The following BCL2L14 variants were observed in gnomAD, a reference collection of about 807,000 sequenced individuals.
The protein encoded by BCL2L14 is apoptosis facilitator Bcl-2-like protein 14.
In BCL2L14, 27 loss-of-function variants were observed where a neutral mutation model predicts 35.3. The observed-to-expected ratio is 0.76, with a 90% CI of 0.56 to 1.05. The LOEUF is 1.05. BCL2L14 is among the 50% of genes least tolerant of loss of function. The pLI, the probability that BCL2L14 is intolerant of heterozygous loss-of-function variation, is 0.00. For missense variants in BCL2L14, 377 were observed against 382.6 expected, an observed-to-expected ratio of 0.99 and a Z score of 0.12; for synonymous variants, 139 against 145.9, an observed-to-expected ratio of 0.95 and a Z score of 0.34.
rs781069739 is a variant in BCL2L14, at chr12:12,079,513, G to C, written c.208G>C (p.Val70Leu). ...NCSANESWTE[V>L]SWPCRNSQSS... Reference sequence around the variant, plus strand: ...TTCAGCAAATGAGTCATGGACAGAGGTGTCATGGCCTTGCAGAAATTCCCA... The same window carrying C: ...TTCAGCAAATGAGTCATGGACAGAGCTGTCATGGCCTTGCAGAAATTCCCA... Residue 70 changes from valine (V) to leucine (L), a missense_variant, in exon 2 of 6, where the codon GTG becomes CTG. Val to Leu is a conservative substitution (Grantham distance 32, BLOSUM62 1). Coordinates refer to ENST00000308721, the MANE Select transcript of BCL2L14 (RefSeq NM_138723.2). 6.2e-7 allele frequency: 1 copy of C among 1,614,222 alleles called. No homozygotes were observed. The highest frequency in any genetic ancestry group is 8.5e-7 in the Non-Finnish European group (1 of 1,180,034).
chr12:12,088,092 G>A (rs565549943), intron 3 of BCL2L14, among the ~76,000 whole-genome samples: 33 of 152,268 alleles, frequency 2.2e-4, no homozygotes, highest in African/African-American at 7.7e-4. Flanking sequence ...AATACGTGAG[G>A]TTCGTTGTCT....
intron 2 of BCL2L14, among the ~76,000 whole-genome samples, chr12:12,060,756 G>A (rs1161810499): frequency 1.9e-5 from 2 of 103,754 alleles, no homozygotes; most frequent in African/African-American, 3.9e-5. Flanking sequence ...GACCCCACTG[G>A]AAATCAGACT....
chr12:12,098,980 G>A lies in BCL2L14; in HGVS notation c.976G>A (p.Val326Ile), dbSNP rs1949374398. 10 of 1,601,716 alleles carry A rather than the reference G, an allele frequency of 6.2e-6. No individual in the cohort carries two copies. Among genetic ancestry groups the A allele is most frequent in the Middle Eastern group, 3.3e-4 (2 of 6,068 alleles). ...EKILGISHEEVD is the reference protein window; with the variant it reads ...EKILGISHEEID ...AATACTTGGGATATCACATGAAGAA[G>A]TAGACTGAAATATCAGATTTGTCAT... The change falls in exon 6 of 6, where the codon GTA becomes ATA. Residue 326 changes from valine to isoleucine, a missense_variant. Val to Ile is a conservative substitution (Grantham distance 29). Coordinates refer to ENST00000308721, the MANE Select transcript of BCL2L14 (RefSeq NM_138723.2).
chr12:12,073,924 C>A (rs1948724977), intron 1 of BCL2L14, among the ~76,000 whole-genome samples: 1 of 152,132 alleles, frequency 6.6e-6, no homozygotes, highest in South Asian at 2.1e-4. Context: ...TGCTTGGTGG[C>A]CCGCTTTGCC....
At chr12:12,062,889 G>A (rs1414975069) in intron 2 of BCL2L14, among the ~76,000 whole-genome samples, 1 of 152,182 alleles carries the variant, frequency 6.6e-6, no homozygotes, top group East Asian at 1.9e-4. Flanking sequence ...TTCAGGAAAA[G>A]TAGAACAGAC....
chr12:12,098,445 A>G lies in BCL2L14; in HGVS notation c.946-505A>G, dbSNP rs1287614877. On this transcript the variant is annotated intron_variant, in intron 5 of 5. Transcript: ENST00000308721. The stretch of plus-strand genomic sequence containing the variant: ...CCTCTACATAACACCATAGATGTTC[A>G]GCCAGTACTTGTAGAACGGTGAATG... Among the ~76,000 whole-genome samples, 2 of 152,236 alleles carry G rather than the reference A, an allele frequency of 1.3e-5. 1 individual carries two copies. The highest frequency in any genetic ancestry group is 4.8e-5 in the African/African-American group (2 of 41,464).
At chr12:12,060,762 A>G (rs4763764) in intron 2 of BCL2L14, among the ~76,000 whole-genome samples, 103,127 of 106,618 alleles carry the variant, frequency 0.97, 50,107 homozygotes, top group East Asian at 1. Flanking sequence ...ACTGGAAATC[A>G]GACTGTTCAA....
intron 2 of BCL2L14, among the ~76,000 whole-genome samples, chr12:12,083,724 C>T (rs1028962050): frequency 1.3e-5 from 2 of 152,066 alleles, no homozygotes; most frequent in African/African-American, 2.4e-5. Flanking sequence ...GTGGGCAGAT[C>T]ACTTGAGCCA....
chr12:12,090,646 T>TA (rs76419621), intron 3 of BCL2L14, 133 bp from the exon 4 acceptor site: 19,914 of 318,452 alleles, frequency 0.063, 29 homozygotes, highest in Non-Finnish European at 0.074. Context: ...AAATAAAAAA[T>TA]AAAAAAAAAA....
intron 1 of BCL2L14, chr12:12,077,774 A>G (rs894102838): frequency 1.9e-5 from 4 of 209,166 alleles, no homozygotes; most frequent in Non-Finnish European, 4.1e-5. Context: ...CATGGCCACA[A>G]TCTGAATTTG....
intron 2 of BCL2L14, among the ~76,000 whole-genome samples, chr12:12,054,200 C>G (rs1197868760): frequency 6.6e-6 from 1 of 152,092 alleles, no homozygotes; most frequent in Non-Finnish European, 1.5e-5. Context: ...AGTTAAGAAG[C>G]TTGCTCAAAA....
Position 12,096,029 on chromosome 12 carries a change from C to T in BCL2L14, c.945+1099C>T, listed in dbSNP as rs2136785519. 4 of 985,292 alleles carry T rather than the reference C, an allele frequency of 4.1e-6. No individual in the cohort carries two copies. In the South Asian group the frequency reaches 1.9e-4, roughly 46 times the overall value. 61.0% of individuals were successfully genotyped at this position (985,292 alleles called of 1,614,324 possible). A position where few individuals can be genotyped will look rare whatever the true frequency, so the allele number is the denominator to read the frequency against. ...ATTTTAGTTCTACCTATTCTTCTTT[C>T]CAGGATTCCTTCACCCCAACAACCC... On this transcript the variant is annotated intron_variant, in intron 5 of 5. Coordinates refer to ENST00000308721, the MANE Select transcript of BCL2L14 (RefSeq NM_138723.2).
intron 2 of BCL2L14, among the ~76,000 whole-genome samples, chr12:12,061,158 TTAAC>T (rs1473623207): frequency 1.2e-4 from 17 of 143,906 alleles, no homozygotes; most frequent in Non-Finnish European, 1.7e-4. Flanking sequence ...CTGAGACACT[TTAAC>T]TAAATTATCT....
chr12:12,075,368 G>T (rs939450650), intron 1 of BCL2L14, among the ~76,000 whole-genome samples: 1 of 151,872 alleles, frequency 6.6e-6, no homozygotes, highest in African/African-American at 2.4e-5. Flanking sequence ...AAAGTGCTGG[G>T]ATTACAGGCG....
chr12:12,085,344 G>A (rs1246494007), intron 2 of BCL2L14, among the ~76,000 whole-genome samples: 2 of 152,222 alleles, frequency 1.3e-5, no homozygotes, highest in Non-Finnish European at 1.5e-5. Context: ...CTCATCTCCT[G>A]AGGACATGGC....
intron 3 of BCL2L14, among the ~76,000 whole-genome samples, chr12:12,089,246 A>C (rs1169624745): frequency 5.3e-5 from 8 of 151,726 alleles, no homozygotes; most frequent in Non-Finnish European, 1.0e-4. Flanking sequence ...GCAGGTGCCT[A>C]TGATCCCAAC....
intron 2 of BCL2L14, among the ~76,000 whole-genome samples, chr12:12,083,570 G>A (rs1380944245): frequency 6.6e-6 from 1 of 152,178 alleles, no homozygotes; most frequent in Non-Finnish European, 1.5e-5. Flanking sequence ...ATAATATACA[G>A]GTTTGCTTTT....
upstream of BCL2L14, among the ~76,000 whole-genome samples, chr12:12,069,050 G>A (rs565497305): frequency 5.3e-5 from 8 of 152,258 alleles, no homozygotes; most frequent in South Asian, 1.0e-3. Flanking sequence ...TGGTAGGAGC[G>A]AGTGTCTTTT....
intron 4 of BCL2L14, 65 bp downstream of exon 4, chr12:12,090,914 AT>A: frequency 7.6e-7 from 1 of 1,310,154 alleles, no homozygotes; most frequent in Non-Finnish European, 1.1e-6. Context: ...CGAGAATGGA[AT>A]TGTATTCCAG....
Sources: allele counts gnomAD v4.1 joint callset (sites outside exome capture counted in the v4.1 genomes callset), GRCh38; gene constraint gnomAD v4.1.1; transcripts MANE v1.5; gene names NCBI Gene and HGNC (gene_info 2026-07-23, HGNC 2026-07-21).